The following MAD1L1 variants were observed in gnomAD, a reference collection of about 807,000 sequenced individuals.
MAD1L1 encodes the protein mitotic arrest deficient 1 like 1, also known as mitotic spindle assembly checkpoint protein MAD1.
MAD1L1 carries 95 observed loss-of-function variants against 96.9 expected under a neutral mutation model. The observed-to-expected ratio is 0.98, with a 90% confidence interval of 0.83 to 1.16. The LOEUF is 1.16. Among genes scored for constraint, MAD1L1 ranks in the 50% most tolerant of loss-of-function variants. The pLI, the probability that MAD1L1 is intolerant of heterozygous loss-of-function variation, is 0.00. For synonymous variants in MAD1L1, 473 were observed against 396.6 expected (o/e 1.19, Z -2.29); for missense variants, 1,007 against 954.4 (o/e 1.06, Z -0.73).
chr7:2,125,288 G>A (rs1288542893), intron 11 of MAD1L1, among the ~76,000 whole-genome samples: 1 of 152,098 alleles, frequency 6.6e-6, no homozygotes. Context: ...GTGGGTGGGG[G>A]TGGTGCCCCT....
At chr7:1,984,191 T>A (rs1781047023) in intron 14 of MAD1L1, among the ~76,000 whole-genome samples, 1 of 152,260 alleles carries the variant, frequency 6.6e-6, no homozygotes, top group South Asian at 2.1e-4. Context: ...CACAGTGTTT[T>A]GTTCTGTTTG....
At chr7:2,189,258 T>C (rs201401836) in intron 10 of MAD1L1, among the ~76,000 whole-genome samples, 1 of 152,108 alleles carries the variant, frequency 6.6e-6, no homozygotes. Context: ...TGGAAAGCAA[T>C]GTAGTGGCTC....
rs76648362 is a variant in MAD1L1, at chr7:2,096,595, G to A, written c.1074-27257C>T. 1.0e-2 allele frequency among the ~76,000 whole-genome samples: 1,516 copies of A among 152,314 alleles called. 25 individuals are homozygous for A. Among genetic ancestry groups the A allele is most frequent in the African/African-American group, 0.034 (1,426 of 41,564 alleles). On this transcript the variant is annotated intron_variant, in intron 11 of 18. Coordinates refer to ENST00000265854, the MANE Select transcript of MAD1L1 (RefSeq NM_001013836.2). The stretch of plus-strand genomic sequence containing the variant: ...CAGCTCTCCAAGGGGCATCTGAATT[G>A]AAGACTTCGAGGACAGCTTCCCCCG...
intron 11 of MAD1L1, chr7:2,089,074 G>C (rs1451403173): frequency 6.6e-6 from 1 of 152,326 alleles, no homozygotes; most frequent in African/African-American, 2.4e-5. Flanking sequence ...TTGACAGGGA[G>C]AGCGGCTCAC....
At chr7:2,112,856 A>G (rs911105937) in intron 11 of MAD1L1, among the ~76,000 whole-genome samples, 3 of 151,674 alleles carry the variant, frequency 2.0e-5, no homozygotes, top group Non-Finnish European at 2.9e-5. Context: ...GCAGTGCCAG[A>G]TAGTTTGAAA....
intron 16 of MAD1L1, among the ~76,000 whole-genome samples, chr7:1,946,616 G>C (rs1245132281): frequency 6.6e-6 from 1 of 152,256 alleles, no homozygotes; most frequent in Admixed American, 6.5e-5. Context: ...CAGGCGCTCT[G>C]GTGCTGCTAC....
chr7:2,164,125 A>G (rs1419013881), intron 10 of MAD1L1, among the ~76,000 whole-genome samples: 2 of 152,192 alleles, frequency 1.3e-5, no homozygotes, highest in Non-Finnish European at 2.9e-5. Context: ...CCTCTTCTCA[A>G]TAGGTTACTT....
At chr7:1,942,419 A>G (rs1779044246) in intron 16 of MAD1L1, among the ~76,000 whole-genome samples, 2 of 152,210 alleles carry the variant, frequency 1.3e-5, no homozygotes, top group Non-Finnish European at 2.9e-5. Context: ...AGTCAGGCAC[A>G]CCATTCCATG....
intron 14 of MAD1L1, among the ~76,000 whole-genome samples, chr7:1,986,018 C>T (rs565367176): frequency 6.6e-6 from 1 of 152,310 alleles, no homozygotes. Context: ...TTCTTTTTCT[C>T]CTTTGCTCTA....
rs369503034 is a variant in MAD1L1 at position 1,892,141 on chromosome 7, G to A, written c.1998+6059C>T. 1.7e-4 allele frequency among the ~76,000 whole-genome samples: 26 copies of A among 152,276 alleles called. No homozygotes were observed. The East Asian group carries it at 3.7e-3, about 21-fold the overall frequency. ...TCCATATTTAAACACGTACAGACAC[G>A]CAGATGCTTAGCACTGCGCCACGGT... On this transcript the variant is annotated intron_variant, in intron 18 of 18. Coordinates refer to ENST00000265854, the MANE Select transcript of MAD1L1 (RefSeq NM_001013836.2).
chr7:2,094,699 C>T (rs1440481938), intron 11 of MAD1L1, among the ~76,000 whole-genome samples: 4 of 152,116 alleles, frequency 2.6e-5, no homozygotes, highest in African/African-American at 9.7e-5. Flanking sequence ...GCGTGGATGG[C>T]AGGTGCAAAG....
At chr7:2,102,202 TCACCGTCACCACCGC>T (rs1400646745) in intron 11 of MAD1L1, among the ~76,000 whole-genome samples, 89 of 147,484 alleles carry the variant, frequency 6.0e-4, no homozygotes, top group African/African-American at 2.1e-3. Context: ...ATCACCACCG[TCACCGTCACCACCGC>T]CACCGTCGCC....
At chr7:2,106,963 T>G (rs1282428089) in intron 11 of MAD1L1, among the ~76,000 whole-genome samples, 1 of 151,998 alleles carries the variant, frequency 6.6e-6, no homozygotes, top group Admixed American at 6.5e-5. Context: ...AGGAGCGTAG[T>G]CTAGTGTGAA....
Position 1,941,104 on chromosome 7 carries a change from T to A in MAD1L1, c.1597-4207A>T, listed in dbSNP as rs573819257. Among the ~76,000 whole-genome samples the A allele has an allele frequency of 1.1e-3, 157 of 144,828 alleles. 1 individual carries two copies. The highest frequency in any genetic ancestry group is 4.0e-3 in the African/African-American group (154 of 38,802). On this transcript the variant is annotated intron_variant, in intron 16 of 18. Transcript: ENST00000265854. ...AGAGGCTGCCCAGCAAGGCCTCGCC[T>A]GGCCCCAGCATCCTCCTACTTAGCA...
intron 18 of MAD1L1, among the ~76,000 whole-genome samples, chr7:1,875,452 G>A (rs1583626306): frequency 6.6e-6 from 1 of 152,164 alleles, no homozygotes; most frequent in Non-Finnish European, 1.5e-5. Flanking sequence ...ACTTGGGGGC[G>A]GGTCTGCAGC....
intron 18 of MAD1L1, among the ~76,000 whole-genome samples, chr7:1,843,163 T>G (rs975470612): frequency 2.2e-4 from 34 of 152,324 alleles, no homozygotes; most frequent in African/African-American, 7.9e-4. Context: ...AATTAGGGTC[T>G]GGGTGCCCTC....
At chr7:1,939,876 G>T (rs1000024958) in intron 16 of MAD1L1, among the ~76,000 whole-genome samples, 6 of 152,234 alleles carry the variant, frequency 3.9e-5, no homozygotes, top group Middle Eastern at 3.2e-3. Context: ...ACTTGGGCTG[G>T]AGCTCATCAG....
At chr7:2,100,508 C>T (rs1478463162) in intron 11 of MAD1L1, among the ~76,000 whole-genome samples, 2 of 152,262 alleles carry the variant, frequency 1.3e-5, no homozygotes, top group East Asian at 1.9e-4. Flanking sequence ...GCCCACCCGG[C>T]GCGTCTGCCT....
In MAD1L1 at chr7:2,099,844, G is replaced by A. The variant is rs144988263; in HGVS notation, c.1074-30506C>T. Among the ~76,000 whole-genome samples the A allele has an allele frequency of 2.8e-3, 434 of 152,340 alleles. 2 individuals are homozygous for A. Among genetic ancestry groups the A allele is most frequent in the African/African-American group, 3.4e-3 (142 of 41,588 alleles). On this transcript the variant is annotated intron_variant, in intron 11 of 18. Transcript: ENST00000265854. Reference sequence around the variant, plus strand: ...TCCCCAGTGGGACTGGCTGCCGACTGTGAGGAGTCACCTCCCACCAGCCCA... The same window carrying A: ...TCCCCAGTGGGACTGGCTGCCGACTATGAGGAGTCACCTCCCACCAGCCCA...
Sources: allele counts gnomAD v4.1 joint callset (sites outside exome capture counted in the v4.1 genomes callset), GRCh38; gene constraint gnomAD v4.1.1; transcripts MANE v1.5; gene names NCBI Gene and HGNC (gene_info 2026-07-23, HGNC 2026-07-21).